The following AGMAT variants were observed in gnomAD, a reference collection of about 807,000 sequenced individuals.
AGMAT encodes the protein agmatinase (putative).
In AGMAT, 37 loss-of-function variants were observed where a neutral mutation model predicts 29.3. The observed-to-expected ratio is 1.26, with a 90% CI of 0.97 to 1.66. AGMAT has a LOEUF of 1.66. Among genes scored for constraint, AGMAT ranks in the 40% most tolerant of loss-of-function variants. AGMAT has a pLI of 0.00. For missense variants in AGMAT, 498 were observed against 497.8 expected, an observed-to-expected ratio of 1.00 and a Z score of 0.00; for synonymous variants, 199 against 200.8, an observed-to-expected ratio of 0.99 and a Z score of 0.08.
rs558447046 is a variant in AGMAT at position 15,579,351 on chromosome 1, C to T, written c.525-297G>A. ...AATCAAGGGTGGTGGCACAGGGGAGCTTGGCTGAAGGCTTAACTAAACCAA... is the reference window on the plus strand; with the variant it reads ...AATCAAGGGTGGTGGCACAGGGGAGTTTGGCTGAAGGCTTAACTAAACCAA... On this transcript the variant is annotated intron_variant, in intron 3 of 6. Coordinates refer to ENST00000375826, the MANE Select transcript of AGMAT (RefSeq NM_024758.5). 2.5e-3 allele frequency among the ~76,000 whole-genome samples: 380 copies of T among 152,254 alleles called. 4 individuals carry two copies. Among genetic ancestry groups the T allele is most frequent in the African/African-American group, 8.8e-3 (364 of 41,530 alleles).
chr1:15,578,953 A>T lies in AGMAT; in HGVS notation c.626T>A (p.Val209Glu). The change falls in exon 4 of 7, where the codon GTG (valine) becomes GAG (glutamate). Residue 209 changes from valine to glutamate, a missense_variant. Coordinates refer to ENST00000375826, the MANE Select transcript of AGMAT (RefSeq NM_024758.5). ...LYHGAPFRRC[V>E]DEGLLDCKRV... ...CTTACAGTCCAGGAGACCCTCATCC[A>T]CACACCGGCGGAAGGGCGCCCCGTG... 1 of 1,614,076 alleles carries T rather than the reference A, an allele frequency of 6.2e-7. No homozygotes were observed. The highest frequency in any genetic ancestry group is 8.5e-7 in the Non-Finnish European group (1 of 1,180,006).
In AGMAT at chr1:15,572,214, G is replaced by A. The variant is rs1249242518; in HGVS notation, c.*1437C>T. The A allele has an allele frequency of 2.1e-5, 3 of 143,526 alleles. No individual in the cohort carries two copies. Among genetic ancestry groups the A allele is most frequent in the African/African-American group, 7.7e-5 (3 of 38,864 alleles). 8.9% of individuals were successfully genotyped at this position (143,526 alleles called of 1,614,324 possible). ...TTGTTTTGTTTTCTGGGGTTTTTTT[G>A]TTTTGTTTTGTTTTGTTTTGTTTTT... is the stretch of plus-strand genomic sequence containing the variant. On this transcript the variant is annotated 3_prime_UTR_variant, in exon 7 of 7. Transcript: ENST00000375826.
In AGMAT at chr1:15,573,667, T is replaced by G; in HGVS notation, c.1043A>C (p.Lys348Thr). 1 of 1,614,204 alleles carries G rather than the reference T, an allele frequency of 6.2e-7. No individual in the cohort carries two copies. The highest frequency in any genetic ancestry group is 8.5e-7 in the Non-Finnish European group (1 of 1,180,020). Reference sequence around the variant, plus strand: ...GCACAAGACTCAGACGGTTGTCACTTTGGGGAGAGCACATAGCATCTCAAA... The same window carrying G: ...GCACAAGACTCAGACGGTTGTCACTGTGGGGAGAGCACATAGCATCTCAAA... ...LLFEMLCALP[K>T]VTTV Residue 348 changes from lysine to threonine, a missense_variant, in exon 7 of 7, where the codon AAA (lysine) becomes ACA (threonine). Physicochemically the swap from Lys to Thr is moderately conservative, Grantham distance 78. Transcript: ENST00000375826.
At chr1:15,578,762 T>C (rs748476093) in intron 4 of AGMAT, 97 bp downstream of exon 4, 75 of 1,330,656 alleles carry the variant, frequency 5.6e-5, no homozygotes, top group Non-Finnish European at 7.3e-5. Context: ...TCAGACTTGA[T>C]TAGTAAAGCC....
In AGMAT at chr1:15,573,615, G is replaced by A; in HGVS notation, c.*36C>T. 6.3e-7 allele frequency: 1 copy of A among 1,596,058 alleles called. No individual in the cohort carries two copies. Among genetic ancestry groups the A allele is most frequent in the Non-Finnish European group, 8.6e-7 (1 of 1,163,678 alleles). On this transcript the variant is annotated 3_prime_UTR_variant, in exon 7 of 7. Transcript: ENST00000375826. ...ATAAGTTCTTCTTGAGAACTTGTCA[G>A]CGACGCAATCTGTTTTGTCTTGAAG... is the stretch of plus-strand genomic sequence containing the variant.
intron 5 of AGMAT, chr1:15,575,976 GAAACTCCTGGGCTC>G: frequency 6.6e-6 from 1 of 151,968 alleles, no homozygotes; most frequent in Admixed American, 6.6e-5. Flanking sequence ...AGGCTGGGCT[GAAACTCCTGGGCTC>G]AAACGATCCA....
At chr1:15,576,686 C>CT (rs1639042394) in intron 5 of AGMAT, among the ~76,000 whole-genome samples, 1 of 147,692 alleles carries the variant, frequency 6.8e-6, no homozygotes, top group Admixed American at 7.0e-5. Context: ...CCTCGGCCTC[C>CT]CAGAGTGCTG....
At chr1:15,575,085 A>C in intron 5 of AGMAT, 1 of 399,298 alleles carries the variant, frequency 2.5e-6, no homozygotes, top group South Asian at 2.8e-5. Flanking sequence ...TTTCAATGTC[A>C]TGCACCAAGG....
chr1:15,577,430 G>C (rs1053952650), intron 5 of AGMAT, among the ~76,000 whole-genome samples: 6 of 152,014 alleles, frequency 3.9e-5, no homozygotes, highest in Admixed American at 3.9e-4. Flanking sequence ...AAAATTAGCC[G>C]GGCGTAGTGG....
At chr1:15,584,509 C>G (rs1206250680) in intron 1 of AGMAT, among the ~76,000 whole-genome samples, 187 bp downstream of exon 1, 2 of 152,116 alleles carry the variant, frequency 1.3e-5, no homozygotes, top group Non-Finnish European at 2.9e-5. Flanking sequence ...ATGTTGAGCC[C>G]TGGGGTTTGC....
rs1639075110 is a variant in AGMAT at position 15,578,911 on chromosome 1, C to T, written c.668G>A (p.Gly223Asp). The change falls in exon 4 of 7, where the codon GGC (glycine) becomes GAC (aspartate). Residue 223 changes from glycine to aspartate, a missense_variant. By Grantham distance (94) the Gly-to-Asp change is moderately conservative. Coordinates refer to ENST00000375826, the MANE Select transcript of AGMAT (RefSeq NM_024758.5). ...LLDCKRVVQIGIRGSSTTLDP... is the reference protein window; with the variant it reads ...LLDCKRVVQIDIRGSSTTLDP... ...CAAGGTCGTGGAAGAGCCCCGGATG[C>T]CAATCTGCACCACACGCTTACAGTC... 2 of 1,614,154 alleles carry T rather than the reference C, an allele frequency of 1.2e-6. No individual in the cohort carries two copies. The highest frequency in any genetic ancestry group is 1.7e-6 in the Non-Finnish European group (2 of 1,180,044).
chr1:15,573,325 T>C lies in AGMAT; in HGVS notation c.*326A>G, dbSNP rs181507186. 77 of 245,868 alleles carry C rather than the reference T, an allele frequency of 3.1e-4. No individual in the cohort carries two copies. The highest frequency in any genetic ancestry group is 1.7e-3 in the Admixed American group (35 of 20,742). 15.2% of individuals were successfully genotyped at this position (245,868 alleles called of 1,614,324 possible). ...GCTTATACAGTATTATTTCATAGTTTTTTTAAATGTCATGTTTCTAATGTT... is the reference window on the plus strand; with the variant it reads ...GCTTATACAGTATTATTTCATAGTTCTTTTAAATGTCATGTTTCTAATGTT... On this transcript the variant is annotated 3_prime_UTR_variant, in exon 7 of 7. Transcript: ENST00000375826.
intron 3 of AGMAT, 31 bp downstream of exon 3, chr1:15,580,063 T>C: frequency 1.2e-6 from 2 of 1,608,166 alleles, no homozygotes; most frequent in South Asian, 2.2e-5. Context: ...GCTTTTGAAA[T>C]CTTGCTGGGC....
rs954380781 is a variant in AGMAT at position 15,571,873 on chromosome 1, G to C, written c.*1778C>G. The C allele has an allele frequency of 6.6e-6, 1 of 152,068 alleles. No individual in the cohort carries two copies. The highest frequency in any genetic ancestry group is 1.5e-5 in the Non-Finnish European group (1 of 67,992). 9.4% of individuals were successfully genotyped at this position (152,068 alleles called of 1,614,324 possible). A position where few individuals can be genotyped will look rare whatever the true frequency, so the allele number is the denominator to read the frequency against. ...GATTTCAGGAATTACAGTCATAGAG[G>C]GTACATCAACTTGAAGAGTAGATTG... On this transcript the variant is annotated 3_prime_UTR_variant, in exon 7 of 7. Coordinates refer to ENST00000375826, the MANE Select transcript of AGMAT (RefSeq NM_024758.5).
chr1:15,577,900 C>T, intron 4 of AGMAT, 36 bp from the exon 5 acceptor site: 1 of 1,598,470 alleles, frequency 6.3e-7, no homozygotes, highest in Non-Finnish European at 8.5e-7. Flanking sequence ...TGTCTGGCAG[C>T]ATTTACAGGG....
rs375970763 is a variant in AGMAT at position 15,580,115 on chromosome 1, A to G, written c.503T>C (p.Ile168Thr). The G allele has an allele frequency of 6.2e-6, 10 of 1,609,264 alleles. No individual in the cohort carries two copies. In the African/African-American group the frequency reaches 1.2e-4, roughly 19 times the overall value. Residue 168 changes from isoleucine to threonine, a missense_variant, in exon 3 of 7, where the codon ATA becomes ACA. By Grantham distance (89) the Ile-to-Thr change is moderately conservative (BLOSUM62 -1). Coordinates refer to ENST00000375826, the MANE Select transcript of AGMAT (RefSeq NM_024758.5). ...TTACTTTTTTGCCATCGCTTGCAAT[A>G]TGGGATATGTGATTGTGTGATCTCC... is the stretch of plus-strand genomic sequence containing the variant. ...LGGDHTITYP[I>T]LQAMAKKHGP...
chr1:15,583,479 A>G, intron 1 of AGMAT, 84 bp from the exon 2 acceptor site: 1 of 1,300,334 alleles, frequency 7.7e-7, no homozygotes, highest in Non-Finnish European at 1.1e-6. Flanking sequence ...AGCCTCAGCA[A>G]TTTGGGGCCA....
chr1:15,579,108 A>G, intron 3 of AGMAT, 54 bp from the exon 4 acceptor site: 4 of 1,564,912 alleles, frequency 2.6e-6, no homozygotes, highest in Non-Finnish European at 3.5e-6. Context: ...GCCCTAGCAC[A>G]GCCACCCTTC....
chr1:15,578,727 G>T (rs1274618942), intron 4 of AGMAT, 132 bp downstream of exon 4: 2 of 1,035,342 alleles, frequency 1.9e-6, no homozygotes, highest in Non-Finnish European at 2.8e-6. Flanking sequence ...CCCTGATGAT[G>T]CAAACTCAGC....
Sources: gnomAD v4.1 joint callset for allele counts (sites outside exome capture counted in the v4.1 genomes callset) on GRCh38, gnomAD v4.1.1 for gene constraint, MANE v1.5 for transcripts, NCBI Gene and HGNC (gene_info 2026-07-23, HGNC 2026-07-21) for gene names.